Variants in ZNF507 observed in about 807,000 individuals in gnomAD.
ZNF507 encodes the protein zinc finger protein 507.
Under a neutral mutation model 80.0 loss-of-function variants are expected in ZNF507, and 29 were observed. That is an observed-to-expected ratio of 0.36 (90% confidence interval 0.27 to 0.49). The LOEUF (loss-of-function observed/expected upper bound fraction) is 0.49. ZNF507 is among the 20% of genes least tolerant of loss of function. The pLI is 0.98. For synonymous variants in ZNF507, 462 were observed against 422.5 expected (o/e 1.09, Z -1.15); for missense variants, 1,081 against 1,152.2 (o/e 0.94, Z 0.90).
At chr19:32,370,571 AT>A (rs1455149852) in intron 5 of ZNF507, among the ~76,000 whole-genome samples, 6 of 152,062 alleles carry the variant, frequency 3.9e-5, no homozygotes, top group Non-Finnish European at 7.4e-5. Context: ...CCATTTTTTA[AT>A]CGAGTTATTT....
Position 32,383,289 on chromosome 19 carries a change from G to C in ZNF507, c.*206G>C. ...AATGATATTTAAATATTTTGAGTGA[G>C]GGGGAGTGGGTCAAAGAGGAAGTAG... is the stretch of plus-strand genomic sequence containing the variant. On this transcript the variant is annotated 3_prime_UTR_variant, in exon 7 of 7. Coordinates refer to ENST00000355898, the MANE Select transcript of ZNF507 (RefSeq NM_001136156.2). 1 of 614,538 alleles carries C rather than the reference G, an allele frequency of 1.6e-6. No individual in the cohort carries two copies. The highest frequency in any genetic ancestry group is 3.1e-5 in the East Asian group (1 of 31,846). 38.1% of individuals were successfully genotyped at this position (614,538 alleles called of 1,614,324 possible).
intron 2 of ZNF507, among the ~76,000 whole-genome samples, chr19:32,348,184 G>A (rs1371956324): frequency 6.6e-6 from 1 of 152,140 alleles, no homozygotes; most frequent in Non-Finnish European, 1.5e-5. Context: ...TTAGGGGAGG[G>A]ACCCTTGAGC....
At chr19:32,346,055 TC>T (rs1967093304) in intron 1 of ZNF507, among the ~76,000 whole-genome samples, 1 of 152,204 alleles carries the variant, frequency 6.6e-6, no homozygotes, top group African/African-American at 2.4e-5. Context: ...AGGCGTTGCT[TC>T]CTTCTCCAGG....
chr19:32,353,173 C>T lies in ZNF507; in HGVS notation c.343C>T (p.Leu115Phe), dbSNP rs1967194510. Residue 115 changes from leucine (L) to phenylalanine (F), a missense_variant, in exon 3 of 7, where the codon CTT becomes TTT. Transcript: ENST00000355898. ...MSQTNFTPDT[L>F]AQNEGKAMSY... is the part of the protein sequence containing the mutation. ...ACAAACAAATTTTACCCCTGACACT[C>T]TTGCCCAGAATGAAGGGAAGGCTAT... 6.2e-7 allele frequency: 1 copy of T among 1,614,230 alleles called. No individual in the cohort carries two copies. The highest frequency in any genetic ancestry group is 8.5e-7 in the Non-Finnish European group (1 of 1,180,032).
At position 32,383,352 on chromosome 19, in the gene ZNF507, T is replaced by C; in HGVS notation, c.*269T>C. ...GTATTAACCCTCTGTCACCCCTTCT[T>C]AGTGTCGAGTGTATTTATTAATAAA... is the stretch of plus-strand genomic sequence containing the variant. On this transcript the variant is annotated 3_prime_UTR_variant, in exon 7 of 7. Coordinates refer to ENST00000355898, the MANE Select transcript of ZNF507 (RefSeq NM_001136156.2). The C allele has an allele frequency of 5.2e-6, 2 of 381,732 alleles. No homozygotes were observed. Among genetic ancestry groups the C allele is most frequent in the Non-Finnish European group, 9.7e-6 (2 of 207,214 alleles). The allele number at this position is 381,732 out of a possible 1,614,324, so 23.6% of individuals were successfully genotyped here. A position where few individuals can be genotyped will look rare whatever the true frequency, so the allele number is the denominator to read the frequency against.
At chr19:32,371,780 C>T (rs879500097) in intron 5 of ZNF507, among the ~76,000 whole-genome samples, 5 of 151,716 alleles carry the variant, frequency 3.3e-5, no homozygotes, top group Non-Finnish European at 5.9e-5. Flanking sequence ...GCTGGGATTA[C>T]AGGCGCCCGC....
Position 32,385,144 on chromosome 19 carries a change from A to G in ZNF507, c.*2061A>G, listed in dbSNP as rs1463459729. ...TTTAGTTTTATATCATATTTAGAAA[A>G]TAATAATGAAAAGCATCCCCAAAAT... On this transcript the variant is annotated 3_prime_UTR_variant, in exon 7 of 7. Coordinates refer to ENST00000355898, the MANE Select transcript of ZNF507 (RefSeq NM_001136156.2). The G allele has an allele frequency of 1.3e-5, 2 of 152,178 alleles. No individual in the cohort carries two copies. The highest frequency in any genetic ancestry group is 2.9e-5 in the Non-Finnish European group (2 of 68,020). 9.4% of individuals were successfully genotyped at this position (152,178 alleles called of 1,614,324 possible).
rs147761242 is a variant in ZNF507 at position 32,347,608 on chromosome 19, T to C, written c.-3+270T>C. On this transcript the variant is annotated intron_variant, in intron 2 of 6. Transcript: ENST00000355898. ...TTCTTAAACCAGTTACCACTTTGTGTCTGTGAGTCTCAGGTTTCTCATCTG... is the reference window on the plus strand; with the variant it reads ...TTCTTAAACCAGTTACCACTTTGTGCCTGTGAGTCTCAGGTTTCTCATCTG... Among the ~76,000 whole-genome samples, 56 of 151,944 alleles carry C rather than the reference T, an allele frequency of 3.7e-4. No individual in the cohort carries two copies. The East Asian group carries it at 7.9e-3, about 22-fold the overall frequency.
intron 5 of ZNF507, among the ~76,000 whole-genome samples, chr19:32,373,430 C>T (rs1967501457): frequency 6.6e-6 from 1 of 152,178 alleles, no homozygotes. Context: ...AATGTTTTGT[C>T]TCTTTGTAAG....
intron 5 of ZNF507, among the ~76,000 whole-genome samples, chr19:32,362,661 G>A (rs546725433): frequency 7.9e-5 from 12 of 152,104 alleles, no homozygotes; most frequent in Non-Finnish European, 1.8e-4. Flanking sequence ...AGTGTCTCAG[G>A]GATGTTTTCT....
chr19:32,354,959 TA>T lies in ZNF507; in HGVS notation c.2127+4del. 1 of 1,593,330 alleles carries T rather than the reference TA, an allele frequency of 6.3e-7. No homozygotes were observed. Among genetic ancestry groups the T allele is most frequent in the Non-Finnish European group, 8.6e-7 (1 of 1,169,282 alleles). ...TGTGAAGAATCCTTCCATTATAAGG[TA>T]AGCATTGGTTCAGGAAGTCTTTCAG... On this transcript the variant is annotated splice_donor_region_variant and intron_variant, in intron 3 of 6. Transcript: ENST00000355898.
chr19:32,350,338 C>T (rs970716787), intron 2 of ZNF507, among the ~76,000 whole-genome samples: 3 of 151,926 alleles, frequency 2.0e-5, no homozygotes, highest in Non-Finnish European at 2.9e-5. Context: ...GCTGCCATTA[C>T]TGTACTTATC....
At position 32,354,055 on chromosome 19, in the gene ZNF507, C is replaced by G; in HGVS notation, c.1225C>G (p.Leu409Val). Residue 409 changes from leucine (L) to valine (V), a missense_variant, in exon 3 of 7, where the codon CTT (leucine) becomes GTT (valine). Around this residue, in one of 6 missense-constraint regions of ZNF507, gnomAD observed 614 missense variants for 583.9 expected, o/e 1.05. Coordinates refer to ENST00000355898, the MANE Select transcript of ZNF507 (RefSeq NM_001136156.2). ...VERLPSAEET[L>V]SQKRFLMNTE... is the part of the protein sequence containing the mutation. The stretch of plus-strand genomic sequence containing the variant: ...GCGATTGCCAAGTGCTGAAGAAACC[C>G]TTTCACAGAAGCGCTTCCTCATGAA... 6.2e-7 allele frequency: 1 copy of G among 1,614,096 alleles called. No individual in the cohort carries two copies. Among genetic ancestry groups the G allele is most frequent in the Non-Finnish European group, 8.5e-7 (1 of 1,180,022 alleles).
rs986113105 is a variant in ZNF507, at chr19:32,352,700, A to C, written c.-2-129A>C. ...ACTGGGGATCGCCGGGTGTGTGGAC[A>C]TGGAGCTTCCAGCTTAGAAAATACT... On this transcript the variant is annotated intron_variant, in intron 2 of 6. Coordinates refer to ENST00000355898, the MANE Select transcript of ZNF507 (RefSeq NM_001136156.2). 5 of 759,228 alleles carry C rather than the reference A, an allele frequency of 6.6e-6. No homozygotes were observed. The African/African-American group carries it at 7.1e-5, about 11-fold the overall frequency. The allele number at this position is 759,228 out of a possible 1,614,324, so 47.0% of individuals were successfully genotyped here. A position where few individuals can be genotyped will look rare whatever the true frequency, so the allele number is the denominator to read the frequency against.
At chr19:32,364,260 T>G (rs1363322753) in intron 5 of ZNF507, among the ~76,000 whole-genome samples, 1 of 152,240 alleles carries the variant, frequency 6.6e-6, no homozygotes, top group African/African-American at 2.4e-5. Context: ...ATGCAGCTAT[T>G]AATAACTTTG....
chr19:32,371,830 G>A (rs1463656723), intron 5 of ZNF507, among the ~76,000 whole-genome samples: 11 of 151,680 alleles, frequency 7.3e-5, no homozygotes, highest in African/African-American at 2.7e-4. Flanking sequence ...TAGTAGAGAC[G>A]GGGTTTCACC....
rs145193065 is a variant in ZNF507, at chr19:32,353,565, C to T, written c.735C>T (p.Tyr245=). The part of the protein sequence containing the change: ...GRRKWYAYEQ[Y]GMYRCLFCSY... ...GGAAATGGTATGCATACGAACAGTA[C>T]GGCATGTATCGATGCTTGTTTTGTA... The change falls in exon 3 of 7, where the codon TAC becomes TAT. Residue 245 remains tyrosine (Y), a synonymous_variant. Transcript: ENST00000355898. The T allele has an allele frequency of 1.1e-4, 178 of 1,614,022 alleles. No homozygotes were observed. The highest frequency in any genetic ancestry group is 3.6e-4 in the African/African-American group (27 of 74,896).
chr19:32,364,884 ATC>A (rs1967376988), intron 5 of ZNF507, among the ~76,000 whole-genome samples: 1 of 152,100 alleles, frequency 6.6e-6, no homozygotes, highest in Non-Finnish European at 1.5e-5. Context: ...TCTTTAAGGA[ATC>A]TCTACACTGT....
chr19:32,364,428 TC>T (rs1248259951), intron 5 of ZNF507, among the ~76,000 whole-genome samples: 2 of 152,166 alleles, frequency 1.3e-5, no homozygotes, highest in Non-Finnish European at 2.9e-5. Flanking sequence ...ACCTGGTGCA[TC>T]CATCACCCGA....
Sources: allele counts gnomAD v4.1 joint callset (sites outside exome capture counted in the v4.1 genomes callset), GRCh38; gene constraint gnomAD v4.1.1; regional missense constraint gnomAD v4.1.1; transcripts MANE v1.5; gene names NCBI Gene and HGNC (gene_info 2026-07-23, HGNC 2026-07-21).